The following ACP3 variants were observed in gnomAD, a reference collection of about 807,000 sequenced individuals.
The protein encoded by ACP3 is acid phosphatase 3.
ACP3 carries 38 observed loss-of-function variants against 45.6 expected under a neutral mutation model. That is an observed-to-expected ratio of 0.83 (90% CI 0.64 to 1.09). ACP3 has a LOEUF of 1.09. Among genes scored for constraint, ACP3 ranks in the 50% least tolerant of loss-of-function variants. The pLI is 0.00. For missense variants in ACP3, 466 were observed against 463.2 expected (o/e 1.01, Z -0.05); for synonymous variants, 162 against 164.7 (o/e 0.98, Z 0.13).
At chr3:132,364,587 CTT>C (rs953227492) in intron 10 of ACP3, among the ~76,000 whole-genome samples, 87 of 152,358 alleles carry the variant, frequency 5.7e-4, no homozygotes, top group African/African-American at 1.9e-3. Flanking sequence ...GCAACTTTCT[CTT>C]TGTTTCAATA....
chr3:132,322,798 G>A (rs183521048), intron 1 of ACP3, among the ~76,000 whole-genome samples: 103 of 152,324 alleles, frequency 6.8e-4, no homozygotes, highest in African/African-American at 2.5e-3. Context: ...CTTAAGAGGT[G>A]GGGCCTTTAA....
intron 3 of ACP3, 96 bp from the exon 4 acceptor site, chr3:132,332,096 G>A: frequency 7.7e-7 from 1 of 1,301,756 alleles, no homozygotes; most frequent in Non-Finnish European, 1.1e-6. Flanking sequence ...ATTTCACTGT[G>A]GGTGTCCTTT....
In ACP3 at chr3:132,339,850, T is replaced by C. The variant is rs1937532480; in HGVS notation, c.555+2296T>C. On this transcript the variant is annotated intron_variant, in intron 5 of 9. Coordinates refer to ENST00000336375, the MANE Select transcript of ACP3 (RefSeq NM_001099.5). ...CCTCCCCTCCCCAGAGGTTCTGAAG[T>C]AGGGCTGAAAGTCCCAACGCTCTAA... Among the ~76,000 whole-genome samples, 3 of 152,268 alleles carry C rather than the reference T, an allele frequency of 2.0e-5. No individual in the cohort carries two copies. In the East Asian group the frequency reaches 5.8e-4, roughly 29 times the overall value.
intron 3 of ACP3, 49 bp from the exon 4 acceptor site, chr3:132,332,143 A>C (rs1937409691): frequency 6.2e-7 from 1 of 1,610,754 alleles, no homozygotes; most frequent in Non-Finnish European, 8.5e-7. Flanking sequence ...GTAGAAAAAA[A>C]CCTCATGCTC....
intron 7 of ACP3, 110 bp from the exon 8 acceptor site, chr3:132,349,810 T>C: frequency 2.8e-6 from 2 of 710,550 alleles, no homozygotes; most frequent in Non-Finnish European, 2.5e-6. Flanking sequence ...TTGCCCCTCT[T>C]CTTAAGTCAT....
chr3:132,324,768 G>A lies in ACP3; in HGVS notation c.121-3499G>A, dbSNP rs192858790. On this transcript the variant is annotated intron_variant, in intron 1 of 9. Coordinates refer to ENST00000336375, the MANE Select transcript of ACP3 (RefSeq NM_001099.5). ...AGTGATTCTCCTGCCTCAGTCTCCCGAGTAGCTGGGACTACAGGCATGCGC... is the reference window on the plus strand; with the variant it reads ...AGTGATTCTCCTGCCTCAGTCTCCCAAGTAGCTGGGACTACAGGCATGCGC... Among the ~76,000 whole-genome samples the A allele has an allele frequency of 4.8e-3, 735 of 152,152 alleles. 4 individuals are homozygous for A. Among genetic ancestry groups the A allele is most frequent in the African/African-American group, 0.017 (696 of 41,514 alleles).
chr3:132,340,455 T>C (rs1937541470), intron 5 of ACP3, among the ~76,000 whole-genome samples: 1 of 152,336 alleles, frequency 6.6e-6, no homozygotes, highest in Middle Eastern at 3.4e-3. Flanking sequence ...TTATATGGCT[T>C]CTATATTTTG....
chr3:132,318,041 T>A (rs184462035), intron 1 of ACP3, among the ~76,000 whole-genome samples: 1 of 152,358 alleles, frequency 6.6e-6, no homozygotes, highest in East Asian at 1.9e-4. Flanking sequence ...TAAACAACCT[T>A]GAAGCATAAA....
chr3:132,342,497 A>G (rs1937563123), intron 5 of ACP3, 55 bp from the exon 6 acceptor site: 2 of 1,239,946 alleles, frequency 1.6e-6, no homozygotes, highest in Non-Finnish European at 2.3e-6. Flanking sequence ...AATATCAATA[A>G]TGCTGAAGCT....
Position 132,358,670 on chromosome 3 carries a change from TC to T in ACP3, c.*1794del. Reference sequence around the variant, plus strand: ...TATTTCCCTCCCAAGTAAATGTTTGTCCTTGGGTCCATTTTCTATGCTTGTA... The same window carrying T: ...TATTTCCCTCCCAAGTAAATGTTTGTCTTGGGTCCATTTTCTATGCTTGTA... On this transcript the variant is annotated 3_prime_UTR_variant, in exon 10 of 10. Transcript: ENST00000336375. 9.7e-7 allele frequency: 1 copy of T among 1,029,786 alleles called. No individual in the cohort carries two copies. The highest frequency in any genetic ancestry group is 1.7e-5 in the African/African-American group (1 of 59,334). 63.8% of individuals were successfully genotyped at this position (1,029,786 alleles called of 1,614,324 possible).
At chr3:132,332,079 CTG>C (rs1323788322) in intron 3 of ACP3, 111 bp from the exon 4 acceptor site, 29 of 1,169,254 alleles carry the variant, frequency 2.5e-5, no homozygotes, top group Admixed American at 3.8e-5. Flanking sequence ...AGCACAATGT[CTG>C]TAATATTTCA....
At chr3:132,340,518 A>G (rs975026735) in intron 5 of ACP3, among the ~76,000 whole-genome samples, 2 of 152,162 alleles carry the variant, frequency 1.3e-5, no homozygotes, top group Non-Finnish European at 2.9e-5. Flanking sequence ...GAAGTCTGCA[A>G]TGCTTTCTTC....
chr3:132,337,165 G>T (rs941472913), intron 4 of ACP3, among the ~76,000 whole-genome samples: 4 of 151,876 alleles, frequency 2.6e-5, no homozygotes, highest in Middle Eastern at 3.2e-3. Flanking sequence ...AGTTATTCAC[G>T]TGGAAGATCG....
chr3:132,323,058 T>C (rs1481205659), intron 1 of ACP3, among the ~76,000 whole-genome samples: 1 of 152,140 alleles, frequency 6.6e-6, no homozygotes, highest in Non-Finnish European at 1.5e-5. Flanking sequence ...ACCTCTAGAA[T>C]TGTGAGCAAA....
intron 1 of ACP3, among the ~76,000 whole-genome samples, chr3:132,323,362 T>C (rs999303123): frequency 3.9e-5 from 6 of 152,218 alleles, no homozygotes; most frequent in African/African-American, 1.4e-4. Flanking sequence ...TTTGGGGTTA[T>C]AGCAGTGCTT....
chr3:132,322,294 G>A lies in ACP3; in HGVS notation c.120+4718G>A, dbSNP rs111697077. 2.1e-3 allele frequency among the ~76,000 whole-genome samples: 314 copies of A among 152,162 alleles called. 2 individuals are homozygous for A. The highest frequency in any genetic ancestry group is 3.6e-3 in the Non-Finnish European group (247 of 68,006). ...ATTAGACTTGTCCTGATTGCTTCACGGGGAGTACAGAACATATTCTCATGC... is the reference window on the plus strand; with the variant it reads ...ATTAGACTTGTCCTGATTGCTTCACAGGGAGTACAGAACATATTCTCATGC... On this transcript the variant is annotated intron_variant, in intron 1 of 9. Transcript: ENST00000336375.
chr3:132,321,996 T>A (rs962305331), intron 1 of ACP3, among the ~76,000 whole-genome samples: 3 of 152,226 alleles, frequency 2.0e-5, no homozygotes, highest in African/African-American at 7.2e-5. Context: ...ATGATGCTCC[T>A]GGATGAGAAA....
chr3:132,345,070 A>C lies in ACP3; in HGVS notation c.781+11A>C, dbSNP rs972774. ...CTAGGCTCCAAGGGGGTAAGTATTA[A>C]AAAATGAGAGGAGCATATTGGATTT... On this transcript the variant is annotated intron_variant, in intron 7 of 9. Coordinates refer to ENST00000336375, the MANE Select transcript of ACP3 (RefSeq NM_001099.5). The C allele has an allele frequency of 1.2e-6, 2 of 1,609,688 alleles. No individual in the cohort carries two copies. Among genetic ancestry groups the C allele is most frequent in the African/African-American group, 1.3e-5 (1 of 74,652 alleles).
At chr3:132,354,804 A>C (rs1030720047) in intron 9 of ACP3, among the ~76,000 whole-genome samples, 13 of 152,360 alleles carry the variant, frequency 8.5e-5, no homozygotes, top group South Asian at 6.2e-4. Flanking sequence ...ATAATTCATT[A>C]AGTTAATATT....
Sources: gnomAD v4.1 joint callset for allele counts (sites outside exome capture counted in the v4.1 genomes callset) on GRCh38, gnomAD v4.1.1 for gene constraint, MANE v1.5 for transcripts, NCBI Gene and HGNC (gene_info 2026-07-23, HGNC 2026-07-21) for gene names.